Variants in KYAT1 observed in about 807,000 individuals in gnomAD.
The protein encoded by KYAT1 is kynurenine aminotransferase 1.
A neutral mutation model predicts 52.4 loss-of-function variants in KYAT1; 47 were observed. The ratio of observed to expected loss-of-function variants is 0.90; its 90% CI spans 0.71 to 1.14. The LOEUF is 1.14. Among genes scored for constraint, KYAT1 ranks in the 50% most tolerant of loss-of-function variants. The pLI, the probability that KYAT1 is intolerant of heterozygous loss-of-function variation, is 0.00. For missense variants in KYAT1, 480 were observed against 557.9 expected, an observed-to-expected ratio of 0.86 and a Z score of 1.41; for synonymous variants, 212 against 209.6, an observed-to-expected ratio of 1.01 and a Z score of -0.10.
At chr9:128,836,212 TTTTC>T (rs1039921284) in intron 7 of KYAT1, 139 bp from the exon 8 acceptor site, 182 of 588,768 alleles carry the variant, frequency 3.1e-4, no homozygotes, top group African/African-American at 2.9e-3. Flanking sequence ...GCACAATTTT[TTTTC>T]TTTCTTTCTT....
intron 1 of KYAT1, among the ~76,000 whole-genome samples, chr9:128,848,316 C>CT (rs1745757007): frequency 1.7e-5 from 1 of 57,442 alleles, no homozygotes; most frequent in African/African-American, 5.1e-5. Context: ...GGAGATATGT[C>CT]TCAAAAAAAA....
chr9:128,873,864 T>G (rs574735436), intron 1 of KYAT1, among the ~76,000 whole-genome samples: 1 of 151,530 alleles, frequency 6.6e-6, no homozygotes, highest in East Asian at 1.9e-4. Context: ...GAGAATCGCT[T>G]CAACCTGGGA....
intron 1 of KYAT1, among the ~76,000 whole-genome samples, chr9:128,874,116 C>G (rs1033170989): frequency 6.6e-6 from 1 of 151,184 alleles, no homozygotes; most frequent in Non-Finnish European, 1.5e-5. Flanking sequence ...ATTAGCCAGG[C>G]GTGGTGGCGG....
At chr9:128,840,186 C>T (rs892447563) in intron 3 of KYAT1, among the ~76,000 whole-genome samples, 3 of 152,032 alleles carry the variant, frequency 2.0e-5, no homozygotes, top group African/African-American at 7.2e-5. Context: ...GCCTGTAACC[C>T]AGCACTTTGG....
intron 6 of KYAT1, 65 bp downstream of exon 6, chr9:128,837,620 T>C: frequency 6.3e-7 from 1 of 1,586,214 alleles, no homozygotes; most frequent in Non-Finnish European, 8.6e-7. Context: ...CAGCAGCAAC[T>C]CAGTAACAGT....
At chr9:128,838,413 T>A in intron 3 of KYAT1, 46 bp from the exon 4 acceptor site, 1 of 1,610,778 alleles carries the variant, frequency 6.2e-7, no homozygotes, top group Non-Finnish European at 8.5e-7. Context: ...CCTGGGCCCA[T>A]CCTCCGGCCC....
At chr9:128,847,586 A>T (rs1833309683) in intron 1 of KYAT1, 1 of 1,311,972 alleles carries the variant, frequency 7.6e-7, no homozygotes, top group South Asian at 1.3e-5. Context: ...GAAGGGAGGA[A>T]ACAGCCCTGG....
intron 12 of KYAT1, 29 bp downstream of exon 12, chr9:128,833,711 G>A: frequency 1.9e-6 from 3 of 1,613,654 alleles, no homozygotes; most frequent in Non-Finnish European, 2.5e-6. Flanking sequence ...GCTCTGTGAG[G>A]TCTTTCCTCC....
intron 11 of KYAT1, among the ~76,000 whole-genome samples, chr9:128,834,593 G>GCA (rs1830668717): frequency 6.6e-6 from 1 of 151,716 alleles, no homozygotes; most frequent in Non-Finnish European, 1.5e-5. Flanking sequence ...GGAGGCCAAG[G>GCA]GGAGTGGATC....
chr9:128,835,229 TA>T, intron 11 of KYAT1, 93 bp downstream of exon 11: 1 of 990,972 alleles, frequency 1.0e-6, no homozygotes, highest in Non-Finnish European at 1.6e-6. Context: ...GAGGCTGGAC[TA>T]AGATCTAGCC....
At chr9:128,845,886 C>A (rs1232846719) in intron 1 of KYAT1, among the ~76,000 whole-genome samples, 1 of 152,172 alleles carries the variant, frequency 6.6e-6, no homozygotes, top group Non-Finnish European at 1.5e-5. Flanking sequence ...CCTGGTCAGG[C>A]CTATCTTATC....
intron 1 of KYAT1, among the ~76,000 whole-genome samples, chr9:128,862,759 G>T (rs1050495552): frequency 5.3e-5 from 8 of 152,198 alleles, no homozygotes; most frequent in African/African-American, 1.7e-4. Context: ...CATTGCAGGG[G>T]ACTGGCAGTG....
chr9:128,863,264 A>T (rs1588131039), intron 1 of KYAT1, among the ~76,000 whole-genome samples: 1 of 151,984 alleles, frequency 6.6e-6, no homozygotes, highest in Non-Finnish European at 1.5e-5. Context: ...GGCTTTGATG[A>T]CCTTGGCAGT....
chr9:128,844,022 T>C (rs78638194), intron 2 of KYAT1, among the ~76,000 whole-genome samples: 106 of 152,224 alleles, frequency 7.0e-4, no homozygotes, highest in African/African-American at 2.5e-3. Context: ...CAAGCAAAGT[T>C]TGATGCTCTT....
At chr9:128,853,919 A>C (rs1834267248) in intron 1 of KYAT1, among the ~76,000 whole-genome samples, 4 of 152,266 alleles carry the variant, frequency 2.6e-5, no homozygotes, top group Admixed American at 2.6e-4. Flanking sequence ...CTTCATTTGG[A>C]AAATTGTCAT....
At chr9:128,844,887 A>G (rs1832826079) in intron 2 of KYAT1, among the ~76,000 whole-genome samples, 2 of 152,162 alleles carry the variant, frequency 1.3e-5, no homozygotes, top group Non-Finnish European at 2.9e-5. Context: ...AAAATAAAAC[A>G]AGTCAAAAAA....
intron 1 of KYAT1, among the ~76,000 whole-genome samples, chr9:128,877,588 C>G (rs2181259): frequency 0.069 from 10,571 of 152,254 alleles, 640 homozygotes; most frequent in Admixed American, 0.2. Context: ...GACAGGAGAC[C>G]ACCAGCCCCT....
chr9:128,876,417 T>C (rs1227835340), intron 1 of KYAT1, among the ~76,000 whole-genome samples: 4 of 149,374 alleles, frequency 2.7e-5, no homozygotes, highest in African/African-American at 7.3e-5. Context: ...TTCTTTTTTT[T>C]TTTTTTTTTT....
At chr9:128,850,442 G>A (rs529016502) in intron 1 of KYAT1, among the ~76,000 whole-genome samples, 1 of 152,272 alleles carries the variant, frequency 6.6e-6, no homozygotes, top group African/African-American at 2.4e-5. Context: ...CTAGGGCTGT[G>A]CAGGATATGC....
Sources: gnomAD v4.1 joint callset for allele counts (sites outside exome capture counted in the v4.1 genomes callset) on GRCh38, gnomAD v4.1.1 for gene constraint, MANE v1.5 for transcripts, NCBI Gene and HGNC (gene_info 2026-07-23, HGNC 2026-07-21) for gene names.